RIT2: variants seen among roughly 807,000 people sequenced by gnomAD.
The protein encoded by RIT2 is GTP-binding protein Rit2.
A neutral mutation model predicts 23.7 loss-of-function variants in RIT2; 24 were observed. The ratio of observed to expected loss-of-function variants is 1.01; its 90% CI spans 0.73 to 1.43. The LOEUF is 1.43. Ranked by LOEUF, RIT2 falls within the 40% of genes most tolerant of loss-of-function variation. RIT2 has a pLI of 0.00. For synonymous variants in RIT2, 107 were observed against 91.1 expected (o/e 1.17, Z -0.99); for missense variants, 236 against 266.9 (o/e 0.88, Z 0.81).
At chr18:42,947,589 G>T (rs910818054) in intron 3 of RIT2, among the ~76,000 whole-genome samples, 2 of 152,028 alleles carry the variant, frequency 1.3e-5, no homozygotes, top group African/African-American at 2.4e-5. Context: ...GAACTTGATA[G>T]GGACTTTAAA....
At chr18:42,929,049 ATATATATATT>A (rs1249605323) in intron 3 of RIT2, among the ~76,000 whole-genome samples, 2 of 144,898 alleles carry the variant, frequency 1.4e-5, no homozygotes, top group Non-Finnish European at 3.0e-5. Context: ...ATATATATAT[ATATATATATT>A]TATATGAGAC....
At chr18:42,879,527 TTTTTG>T (rs140331547) in intron 4 of RIT2, among the ~76,000 whole-genome samples, 6,347 of 152,216 alleles carry the variant, frequency 0.042, 179 homozygotes, top group Middle Eastern at 0.071. Context: ...CCTGACTTCT[TTTTTG>T]TTTTATTTGT....
intron 4 of RIT2, among the ~76,000 whole-genome samples, chr18:42,851,840 TA>T: frequency 6.6e-6 from 1 of 152,060 alleles, no homozygotes; most frequent in East Asian, 1.9e-4. Context: ...CTCTGTCTCA[TA>T]AAAATAAAAA....
At chr18:42,959,054 A>G (rs1378458149) in intron 3 of RIT2, among the ~76,000 whole-genome samples, 1 of 152,112 alleles carries the variant, frequency 6.6e-6, no homozygotes, top group East Asian at 1.9e-4. Flanking sequence ...CACAGTTGCA[A>G]TTGGATAAAA....
chr18:42,959,837 CT>C (rs1910055915), intron 3 of RIT2, among the ~76,000 whole-genome samples: 1 of 152,122 alleles, frequency 6.6e-6, no homozygotes, highest in Admixed American at 6.6e-5. Flanking sequence ...TATGCCTAAA[CT>C]TGAGATATTT....
At chr18:42,990,490 C>A (rs1282911688) in intron 2 of RIT2, among the ~76,000 whole-genome samples, 1 of 152,162 alleles carries the variant, frequency 6.6e-6, no homozygotes, top group African/African-American at 2.4e-5. Flanking sequence ...CTGCACTTGC[C>A]CAGTCAGAAA....
chr18:42,945,635 G>A lies in RIT2; in HGVS notation c.235-21872C>T, dbSNP rs566611797. Among the ~76,000 whole-genome samples the A allele has an allele frequency of 8.5e-5, 13 of 152,208 alleles. No homozygotes were observed. The South Asian group carries it at 2.7e-3, about 32-fold the overall frequency. On this transcript the variant is annotated intron_variant, in intron 3 of 4. Coordinates refer to ENST00000326695, the MANE Select transcript of RIT2 (RefSeq NM_002930.4). ...CAGTGATAAGGTTACATTTGACTTG[G>A]TTACTAATGTCATCATTTTGTACTG...
intron 3 of RIT2, among the ~76,000 whole-genome samples, chr18:42,953,568 T>C (rs1909904313): frequency 6.6e-6 from 1 of 152,160 alleles, no homozygotes; most frequent in African/African-American, 2.4e-5. Flanking sequence ...CAGGGATGCT[T>C]ACAAGAATAA....
At chr18:43,079,280 T>C (rs189976816) in intron 1 of RIT2, among the ~76,000 whole-genome samples, 1 of 152,180 alleles carries the variant, frequency 6.6e-6, no homozygotes, top group Non-Finnish European at 1.5e-5. Flanking sequence ...TGTTTTTTGT[T>C]TTTTGATTTC....
At chr18:42,756,894 G>GAAA (rs10651414) in intron 4 of RIT2, among the ~76,000 whole-genome samples, 2,831 of 151,240 alleles carry the variant, frequency 0.019, 87 homozygotes, top group African/African-American at 0.063. Flanking sequence ...GGTAAAAATA[G>GAAA]AAAAAAAACT....
chr18:43,113,589 G>A (rs1479660091), intron 1 of RIT2, among the ~76,000 whole-genome samples: 1 of 152,122 alleles, frequency 6.6e-6, no homozygotes, highest in Admixed American at 6.6e-5. Context: ...ACTTGGGAGA[G>A]ATCAAAATAG....
intron 2 of RIT2, among the ~76,000 whole-genome samples, chr18:43,011,345 T>C (rs1288603453): frequency 4.0e-5 from 6 of 151,736 alleles, no homozygotes; most frequent in Non-Finnish European, 8.8e-5. Flanking sequence ...TGTGTTACTC[T>C]AAGTGCAATA....
At chr18:42,883,608 C>T (rs902965648) in intron 4 of RIT2, among the ~76,000 whole-genome samples, 18 of 151,990 alleles carry the variant, frequency 1.2e-4, no homozygotes, top group African/African-American at 4.4e-4. Context: ...CGCCCCCACG[C>T]TATTTTCAGA....
chr18:43,055,328 T>C (rs1331766493), intron 1 of RIT2, among the ~76,000 whole-genome samples: 1 of 152,088 alleles, frequency 6.6e-6, no homozygotes, highest in African/African-American at 2.4e-5. Flanking sequence ...GAGAGCTTGA[T>C]GGATGTCTGG....
intron 1 of RIT2, among the ~76,000 whole-genome samples, chr18:43,067,203 TA>T (rs1400380201): frequency 6.6e-6 from 1 of 151,970 alleles, no homozygotes; most frequent in Non-Finnish European, 1.5e-5. Flanking sequence ...CACACACACA[TA>T]AGGAGTGACT....
At chr18:43,087,942 T>C (rs1055025215) in intron 1 of RIT2, among the ~76,000 whole-genome samples, 8 of 152,196 alleles carry the variant, frequency 5.3e-5, no homozygotes, top group African/African-American at 1.9e-4. Flanking sequence ...TTTGCTATTA[T>C]TGTTAGTCTG....
At chr18:42,923,233 C>T (rs149563542) in intron 4 of RIT2, 1 of 184,994 alleles carries the variant, frequency 5.4e-6, no homozygotes, top group Non-Finnish European at 1.1e-5. Context: ...TTTACTTGAA[C>T]TCAAGGGTAA....
At chr18:42,940,010 G>A (rs1339880553) in intron 3 of RIT2, among the ~76,000 whole-genome samples, 1 of 151,676 alleles carries the variant, frequency 6.6e-6, no homozygotes, top group Non-Finnish European at 1.5e-5. Flanking sequence ...AAATCATATA[G>A]ATTAACACTC....
rs577867240 is a variant in RIT2, at chr18:43,077,633, T to C, written c.103+37784A>G. On this transcript the variant is annotated intron_variant, in intron 1 of 4. Transcript: ENST00000326695. ...GGCTTTACGGCTATGATGATTCATG[T>C]AACATCTTTCAAATTCAAATTGTAA... Among the ~76,000 whole-genome samples the C allele has an allele frequency of 1.9e-3, 295 of 152,344 alleles. 2 individuals are homozygous for C. The highest frequency in any genetic ancestry group is 6.6e-3 in the African/African-American group (276 of 41,592).
Sources: allele counts gnomAD v4.1 joint callset (sites outside exome capture counted in the v4.1 genomes callset), GRCh38; gene constraint gnomAD v4.1.1; transcripts MANE v1.5; gene names NCBI Gene and HGNC (gene_info 2026-07-23, HGNC 2026-07-21).